TMEM71: variants seen among roughly 807,000 people sequenced by gnomAD.
TMEM71 encodes the protein transmembrane protein 71.
In TMEM71, 44 loss-of-function variants were observed where a neutral mutation model predicts 38.0. The ratio of observed to expected loss-of-function variants is 1.16; its 90% CI spans 0.91 to 1.49. The LOEUF (loss-of-function observed/expected upper bound fraction) is 1.49, where lower values mean the gene tolerates loss of function less well. Ranked by LOEUF, TMEM71 falls within the 40% of genes most tolerant of loss-of-function variation. The probability of loss-of-function intolerance (pLI) is 0.00; values close to 1 mark genes in which losing one functional copy is unlikely to be tolerated. For synonymous variants in TMEM71, 133 were observed against 122.5 expected, an observed-to-expected ratio of 1.09 and a Z score of -0.56; for missense variants, 367 against 348.6, an observed-to-expected ratio of 1.05 and a Z score of -0.42.
At chr8:132,716,257 G>A (rs1270074257) in intron 7 of TMEM71, among the ~76,000 whole-genome samples, 2 of 152,192 alleles carry the variant, frequency 1.3e-5, no homozygotes, top group African/African-American at 4.8e-5. Context: ...TTGTGGCTAG[G>A]CCCGGGTGCT....
intron 6 of TMEM71, 25 bp downstream of exon 6, chr8:132,727,773 A>T (rs1451600433): frequency 1.3e-6 from 2 of 1,551,058 alleles, no homozygotes; most frequent in Admixed American, 4.0e-5. Flanking sequence ...TGGGTGTGGC[A>T]AATATTTAAA....
intron 6 of TMEM71, among the ~76,000 whole-genome samples, chr8:132,726,647 G>C (rs984730769): frequency 6.6e-6 from 1 of 152,196 alleles, no homozygotes; most frequent in Non-Finnish European, 1.5e-5. Context: ...CAATGACAGA[G>C]TGGGCTCTTT....
At chr8:132,717,403 A>G (rs899304914) in intron 7 of TMEM71, among the ~76,000 whole-genome samples, 4 of 152,232 alleles carry the variant, frequency 2.6e-5, no homozygotes, top group African/African-American at 9.6e-5. Flanking sequence ...AAAAGCAAAC[A>G]GCCTGGTTTA....
upstream of TMEM71, among the ~76,000 whole-genome samples, chr8:132,764,537 T>C (rs913168956): frequency 1.3e-5 from 2 of 152,218 alleles, no homozygotes; most frequent in African/African-American, 4.8e-5. Flanking sequence ...GACTTGACTA[T>C]TTTTCAGCCT....
At chr8:132,720,814 T>G (rs1161325988) in intron 7 of TMEM71, among the ~76,000 whole-genome samples, 1 of 152,206 alleles carries the variant, frequency 6.6e-6, no homozygotes, top group Non-Finnish European at 1.5e-5. Context: ...CCTGGACTGT[T>G]GTATTCACCT....
At chr8:132,769,065 G>A in the TMEM71 span, among the ~76,000 whole-genome samples, 1 of 152,230 alleles carries the variant, frequency 6.6e-6, no homozygotes, top group African/African-American at 2.4e-5. Flanking sequence ...AGTGCTGTGT[G>A]CTTGGCACAC....
At chr8:132,712,572 C>T (rs1826291284) in intron 9 of TMEM71, among the ~76,000 whole-genome samples, 1 of 152,094 alleles carries the variant, frequency 6.6e-6, no homozygotes, top group Non-Finnish European at 1.5e-5. Context: ...AAGGCAACTT[C>T]ACCTTGCCCC....
chr8:132,710,886 T>G lies in TMEM71; in HGVS notation c.*81A>C, dbSNP rs1826197189. The G allele has an allele frequency of 7.4e-7, 1 of 1,356,072 alleles. No homozygotes were observed. Among genetic ancestry groups the G allele is most frequent in the African/African-American group, 1.5e-5 (1 of 67,800 alleles). The allele number at this position is 1,356,072 out of a possible 1,614,324, so 84.0% of individuals were successfully genotyped here. A position where few individuals can be genotyped will look rare whatever the true frequency, so the allele number is the denominator to read the frequency against. On this transcript the variant is annotated 3_prime_UTR_variant, in exon 10 of 10. Transcript: ENST00000677595. The stretch of plus-strand genomic sequence containing the variant: ...GCTTACTCCCTTCCAATAAAACACT[T>G]GATTCCAAGTAGACTGCAAGTTGGA...
rs767152966 is a variant in TMEM71 at position 132,746,967 on chromosome 8, C to A, written c.462G>T (p.Leu154Phe). The change falls in exon 5 of 10, where the codon TTG becomes TTT. Residue 154 changes from leucine to phenylalanine, a missense_variant. Physicochemically the swap from Leu to Phe is conservative, Grantham distance 22. Transcript: ENST00000677595. The stretch of plus-strand genomic sequence containing the variant: ...CATTTCCATTGCAATGGTCTGTGTC[C>A]AACCTCCTGGTCCCCTTCAACCAGT... ...EDNWLKGTRR[L>F]DTDHCNGNAD... 1.2e-6 allele frequency: 2 copies of A among 1,607,986 alleles called. No homozygotes were observed. Among genetic ancestry groups the A allele is most frequent in the East Asian group, 4.5e-5 (2 of 44,638 alleles).
Position 132,710,743 on chromosome 8 carries a change from T to C in TMEM71, c.*224A>G. 1 of 572,556 alleles carries C rather than the reference T, an allele frequency of 1.7e-6. No homozygotes were observed. Among genetic ancestry groups the C allele is most frequent in the Non-Finnish European group, 3.1e-6 (1 of 326,478 alleles). 35.5% of individuals were successfully genotyped at this position (572,556 alleles called of 1,614,324 possible). ...GTCCTTTTCCTTTCAACTGCCGGTGTTTGCAAAGGGAAGGCAAATTAATAT... is the reference window on the plus strand; with the variant it reads ...GTCCTTTTCCTTTCAACTGCCGGTGCTTGCAAAGGGAAGGCAAATTAATAT... On this transcript the variant is annotated 3_prime_UTR_variant, in exon 10 of 10. Coordinates refer to ENST00000677595, the MANE Select transcript of TMEM71 (RefSeq NM_001382403.1).
intron 6 of TMEM71, among the ~76,000 whole-genome samples, chr8:132,724,725 A>G (rs773491955): frequency 5.3e-5 from 8 of 152,230 alleles, no homozygotes; most frequent in Non-Finnish European, 7.3e-5. Context: ...GAGGCATAAC[A>G]AATTATGAAA....
At chr8:132,713,148 T>C (rs1452013635) in intron 9 of TMEM71, among the ~76,000 whole-genome samples, 2 of 151,906 alleles carry the variant, frequency 1.3e-5, no homozygotes, top group Non-Finnish European at 2.9e-5. Context: ...CCCAGCCTTG[T>C]CATTAATTTC....
intron 2 of TMEM71, 76 bp downstream of exon 2, chr8:132,758,764 A>T: frequency 7.4e-7 from 1 of 1,346,264 alleles, no homozygotes; most frequent in Non-Finnish European, 1.1e-6. Context: ...TATCAGCAAA[A>T]TCAAAGCAAG....
chr8:132,756,596 A>T (rs557618959), intron 3 of TMEM71, among the ~76,000 whole-genome samples: 124 of 150,204 alleles, frequency 8.3e-4, no homozygotes, highest in South Asian at 3.6e-3. Context: ...ATATAATAAT[A>T]ATTATTATTA....
downstream of TMEM71, among the ~76,000 whole-genome samples, chr8:132,709,751 C>T (rs1030094665): frequency 1.3e-5 from 2 of 152,058 alleles, no homozygotes; most frequent in Admixed American, 6.5e-5. Context: ...AATAACTCTG[C>T]TGACCTTTAT....
the TMEM71 span, among the ~76,000 whole-genome samples, chr8:132,772,901 T>C: frequency 1.3e-5 from 2 of 152,312 alleles, no homozygotes; most frequent in Middle Eastern, 3.4e-3. Flanking sequence ...TATGAGTAAT[T>C]AGCCGTTGGT....
upstream of TMEM71, among the ~76,000 whole-genome samples, chr8:132,765,208 C>G (rs1389564517): frequency 6.6e-6 from 1 of 152,154 alleles, no homozygotes; most frequent in Admixed American, 6.5e-5. Context: ...AAGATAGGCC[C>G]TAAAAGCAAC....
In TMEM71 at chr8:132,751,789, C is replaced by G; in HGVS notation, c.310G>C (p.Val104Leu). The G allele has an allele frequency of 6.2e-7, 1 of 1,613,184 alleles. No individual in the cohort carries two copies. Among genetic ancestry groups the G allele is most frequent in the South Asian group, 1.1e-5 (1 of 91,050 alleles). ...QTSVMYKENLVRIFRKKKRIC... is the reference protein window; with the variant it reads ...QTSVMYKENLLRIFRKKKRIC... ...TCTGTAATATGCTCTGCTTACCTAA[C>G]TAAGTTCTCCTTATACATAACGCTG... The change falls in exon 4 of 10, where the codon GTT becomes CTT. Residue 104 changes from valine to leucine, a missense_variant. By Grantham distance (32) the Val-to-Leu change is conservative. Coordinates refer to ENST00000677595, the MANE Select transcript of TMEM71 (RefSeq NM_001382403.1).
chr8:132,720,817 A>G (rs1412050018), intron 7 of TMEM71, among the ~76,000 whole-genome samples: 1 of 152,194 alleles, frequency 6.6e-6, no homozygotes, highest in African/African-American at 2.4e-5. Flanking sequence ...GGACTGTTGT[A>G]TTCACCTTTG....
Sources: allele counts gnomAD v4.1 joint callset (sites outside exome capture counted in the v4.1 genomes callset), GRCh38; gene constraint gnomAD v4.1.1; transcripts MANE v1.5; gene names NCBI Gene and HGNC (gene_info 2026-07-23, HGNC 2026-07-21).